Variants in KCNQ3 observed in about 807,000 individuals in gnomAD.
The protein encoded by KCNQ3 is potassium voltage-gated channel subfamily Q member 3.
In KCNQ3, 30 loss-of-function variants were observed where a neutral mutation model predicts 92.5. The observed-to-expected ratio is 0.32, with a 90% CI of 0.24 to 0.44. The LOEUF (loss-of-function observed/expected upper bound fraction) is 0.44, where lower values mean the gene tolerates loss of function less well. Ranked by LOEUF, KCNQ3 falls within the 20% of genes least tolerant of loss-of-function variation. The pLI is 1.00. For missense variants in KCNQ3, 913 were observed against 1,140.3 expected (o/e 0.80, Z 2.87); for synonymous variants, 450 against 468.8 (o/e 0.96, Z 0.52).
intron 9 of KCNQ3, among the ~76,000 whole-genome samples, chr8:132,158,268 T>G (rs966271420): frequency 1.3e-5 from 2 of 152,224 alleles, no homozygotes; most frequent in African/African-American, 4.8e-5. Flanking sequence ...AGCTCTAAAT[T>G]CATGTTTACC....
At chr8:132,196,889 T>C (rs62519633) in intron 1 of KCNQ3, among the ~76,000 whole-genome samples, 17,894 of 152,192 alleles carry the variant, frequency 0.12, 1,980 homozygotes, top group African/African-American at 0.29. Flanking sequence ...TAGCTCCTAA[T>C]TCAGGGATGT....
chr8:132,372,255 A>G (rs1819491848), intron 1 of KCNQ3, among the ~76,000 whole-genome samples: 1 of 152,160 alleles, frequency 6.6e-6, no homozygotes, highest in Non-Finnish European at 1.5e-5. Context: ...GGTCAGCTCC[A>G]TAGGGCTTTT....
intron 1 of KCNQ3, among the ~76,000 whole-genome samples, chr8:132,430,725 T>C (rs1489844908): frequency 6.6e-6 from 1 of 152,212 alleles, no homozygotes; most frequent in Non-Finnish European, 1.5e-5. Flanking sequence ...AAGTGTTTGC[T>C]CAGCGCAGTG....
intron 1 of KCNQ3, chr8:132,187,180 C>G: frequency 4.4e-6 from 2 of 456,016 alleles, no homozygotes; most frequent in Non-Finnish European, 8.8e-6. Context: ...TGGTTTTCTA[C>G]TCTACTTAGG....
chr8:132,392,323 T>C (rs1465442578), intron 1 of KCNQ3, among the ~76,000 whole-genome samples: 1 of 152,152 alleles, frequency 6.6e-6, no homozygotes, highest in African/African-American at 2.4e-5. Flanking sequence ...ACAGAGGTGC[T>C]ATGCTGGCCC....
At chr8:132,351,739 T>C (rs894381423) in intron 1 of KCNQ3, among the ~76,000 whole-genome samples, 1 of 152,140 alleles carries the variant, frequency 6.6e-6, no homozygotes, top group African/African-American at 2.4e-5. Context: ...TTGAGAAGCA[T>C]CCCACTCACT....
rs1824491295 is a variant in KCNQ3, at chr8:132,122,148, T to C, written c.*7114A>G. The C allele has an allele frequency of 6.6e-6, 1 of 152,242 alleles. No individual in the cohort carries two copies. Among genetic ancestry groups the C allele is most frequent in the African/African-American group, 2.4e-5 (1 of 41,468 alleles). The allele number at this position is 152,242 out of a possible 1,614,324, so 9.4% of individuals were successfully genotyped here. A position where few individuals can be genotyped will look rare whatever the true frequency, so the allele number is the denominator to read the frequency against. On this transcript the variant is annotated 3_prime_UTR_variant, in exon 15 of 15. Coordinates refer to ENST00000388996, the MANE Select transcript of KCNQ3 (RefSeq NM_004519.4). ...CAGGTACACGGGCTTTGGTTGAATA[T>C]GCAGCTCTACTTCTTACAATGTGTG...
chr8:132,444,776 G>T (rs879791783), intron 1 of KCNQ3, among the ~76,000 whole-genome samples: 1 of 152,158 alleles, frequency 6.6e-6, no homozygotes, highest in Non-Finnish European at 1.5e-5. Flanking sequence ...ATTGGACTTT[G>T]ACTGAATCAG....
chr8:132,386,733 AT>A (rs1298816912), intron 1 of KCNQ3, among the ~76,000 whole-genome samples: 1 of 152,086 alleles, frequency 6.6e-6, no homozygotes, highest in East Asian at 1.9e-4. Context: ...TGATCATATA[AT>A]TTTTTTCTTT....
At chr8:132,440,499 T>C (rs1169559973) in intron 1 of KCNQ3, among the ~76,000 whole-genome samples, 1 of 152,156 alleles carries the variant, frequency 6.6e-6, no homozygotes, top group African/African-American at 2.4e-5. Flanking sequence ...CCGCACAGTG[T>C]AATGTGCCCT....
At chr8:132,279,665 C>A (rs114628111) in intron 1 of KCNQ3, among the ~76,000 whole-genome samples, 3 of 152,146 alleles carry the variant, frequency 2.0e-5, no homozygotes, top group Non-Finnish European at 4.4e-5. Context: ...CAGATACACA[C>A]GCACACACAC....
intron 6 of KCNQ3, among the ~76,000 whole-genome samples, chr8:132,173,518 C>T (rs545753834): frequency 6.6e-6 from 1 of 152,248 alleles, no homozygotes; most frequent in East Asian, 1.9e-4. Context: ...CTCTACAACA[C>T]AGTAGCCTTG....
intron 1 of KCNQ3, among the ~76,000 whole-genome samples, chr8:132,403,086 TTAA>T (rs1820389396): frequency 1.3e-5 from 2 of 149,146 alleles, no homozygotes; most frequent in African/African-American, 2.5e-5. Context: ...ATGCAGAAAG[TTAA>T]TAATAAGGGA....
At chr8:132,299,675 A>C (rs1817154046) in intron 1 of KCNQ3, among the ~76,000 whole-genome samples, 1 of 152,248 alleles carries the variant, frequency 6.6e-6, no homozygotes, top group East Asian at 1.9e-4. Context: ...TCTTGCCCCA[A>C]ATTAAATGAC....
At position 132,480,472 on chromosome 8, in the gene KCNQ3, CGCCGCCCCCGTCGCCGCCGCCGCCA is replaced by C. The variant is rs772417096; in HGVS notation, c.36_60del (p.Gly13GlufsTer73). ...GCTGGGTTAGCCGCCCCGCCGCCTC[CGCCGCCCCCGTCGCCGCCGCCGCCA>C]GCCGCCCCCGCCGCCCTGCGCGCCT... On this transcript the variant is annotated frameshift_variant, in exon 1 of 15. Coordinates refer to ENST00000388996, the MANE Select transcript of KCNQ3 (RefSeq NM_004519.4). LOFTEE classifies it high-confidence loss of function. The C allele has an allele frequency of 7.3e-6, 9 of 1,240,034 alleles. No homozygotes were observed. Among genetic ancestry groups the C allele is most frequent in the Admixed American group, 4.2e-5 (1 of 23,610 alleles). The allele number at this position is 1,240,034 out of a possible 1,614,324, so 76.8% of individuals were successfully genotyped here. A position where few individuals can be genotyped will look rare whatever the true frequency, so the allele number is the denominator to read the frequency against.
At chr8:132,293,344 G>A in intron 1 of KCNQ3, among the ~76,000 whole-genome samples, 1 of 152,082 alleles carries the variant, frequency 6.6e-6, no homozygotes, top group East Asian at 1.9e-4. Context: ...TGAGGACTGA[G>A]CCCCCAACCT....
chr8:132,159,578 G>C (rs766099245), intron 9 of KCNQ3, among the ~76,000 whole-genome samples: 34 of 152,204 alleles, frequency 2.2e-4, no homozygotes, highest in Non-Finnish European at 3.8e-4. Flanking sequence ...ACAGAAGAGA[G>C]AGGAAATATA....
At chr8:132,346,224 T>C (rs1428220500) in intron 1 of KCNQ3, among the ~76,000 whole-genome samples, 2 of 152,178 alleles carry the variant, frequency 1.3e-5, no homozygotes, top group African/African-American at 4.8e-5. Flanking sequence ...TATGAGCTAA[T>C]CTACAAGTGG....
At chr8:132,249,197 T>C (rs13281112) in intron 1 of KCNQ3, among the ~76,000 whole-genome samples, 66,644 of 152,102 alleles carry the variant, frequency 0.44, 16,944 homozygotes, top group East Asian at 0.69. Context: ...GCTTCCACAG[T>C]GCAGAAGGGG....
Sources: gnomAD v4.1 joint callset for allele counts (sites outside exome capture counted in the v4.1 genomes callset) on GRCh38, gnomAD v4.1.1 for gene constraint, MANE v1.5 for transcripts, NCBI Gene and HGNC (gene_info 2026-07-23, HGNC 2026-07-21) for gene names.